ST3GAL3: variants seen among roughly 807,000 people sequenced by gnomAD.
ST3GAL3 encodes CMP-N-acetylneuraminate-beta-1,4-galactoside alpha-2,3-sialyltransferase.
Under a neutral mutation model 50.1 loss-of-function variants are expected in ST3GAL3, and 21 were observed. The observed-to-expected ratio is 0.42, with a 90% CI of 0.30 to 0.60. ST3GAL3 has a LOEUF of 0.60. Ranked by LOEUF, ST3GAL3 falls within the 20% of genes least tolerant of loss-of-function variation. The pLI is 0.19. For missense variants in ST3GAL3, 353 were observed against 489.4 expected (o/e 0.72, Z 2.63); for synonymous variants, 183 against 190.0 (o/e 0.96, Z 0.30).
chr1:43,869,089 C>T (rs1367899975), intron 5 of ST3GAL3, among the ~76,000 whole-genome samples: 1 of 152,136 alleles, frequency 6.6e-6, no homozygotes, highest in Non-Finnish European at 1.5e-5. Context: ...CTTTCCTGGG[C>T]TTGGTGGTTC....
intron 2 of ST3GAL3, among the ~76,000 whole-genome samples, chr1:43,748,862 T>A (rs1270453495): frequency 8.9e-6 from 1 of 111,792 alleles, no homozygotes; most frequent in Non-Finnish European, 2.0e-5. Context: ...CTAATTAAAA[T>A]TTCAGCAGGC....
chr1:43,736,453 CGTCTCATATTCTTCAGAGATG>C, intron 2 of ST3GAL3, 73 bp downstream of exon 2: 1 of 1,613,486 alleles, frequency 6.2e-7, no homozygotes, highest in Non-Finnish European at 8.5e-7. Context: ...CGTGTGGCTG[CGTCTCATATTCTTCAGAGATG>C]GGCAATGAGA....
chr1:43,771,684 GA>G (rs1695240355), intron 2 of ST3GAL3, among the ~76,000 whole-genome samples: 1 of 151,198 alleles, frequency 6.6e-6, no homozygotes. Context: ...AACCACTTTT[GA>G]CCCCTAATTT....
At chr1:43,817,827 C>CT (rs1558441457) in intron 4 of ST3GAL3, among the ~76,000 whole-genome samples, 1 of 123,948 alleles carries the variant, frequency 8.1e-6, no homozygotes, top group Non-Finnish European at 1.7e-5. Context: ...TCCTTCTCTT[C>CT]CTTCCTCCTT....
chr1:43,790,182 A>T (rs2057871370), intron 2 of ST3GAL3, among the ~76,000 whole-genome samples: 1 of 152,220 alleles, frequency 6.6e-6, no homozygotes, highest in African/African-American at 2.4e-5. Flanking sequence ...ATTTTTCTGT[A>T]CATTGTTATT....
chr1:43,774,066 A>T (rs2154135458), intron 2 of ST3GAL3, among the ~76,000 whole-genome samples: 1 of 147,900 alleles, frequency 6.8e-6, no homozygotes, highest in South Asian at 2.2e-4. Context: ...GTTTCTAATT[A>T]TAAGAGGCAA....
chr1:43,898,599 C>T (rs757127765), intron 7 of ST3GAL3, among the ~76,000 whole-genome samples: 15 of 152,052 alleles, frequency 9.9e-5, no homozygotes, highest in Non-Finnish European at 1.3e-4. Flanking sequence ...GCCTGGGTGG[C>T]GGGGGCAGGT....
At chr1:43,865,325 T>C (rs1367132445) in intron 5 of ST3GAL3, among the ~76,000 whole-genome samples, 1 of 152,098 alleles carries the variant, frequency 6.6e-6, no homozygotes, top group Non-Finnish European at 1.5e-5. Context: ...GTCATAACAT[T>C]CTTATTTATA....
intron 1 of ST3GAL3, among the ~76,000 whole-genome samples, chr1:43,713,755 C>T (rs1225864691): frequency 2.6e-5 from 4 of 152,070 alleles, no homozygotes; most frequent in Non-Finnish European, 5.9e-5. Flanking sequence ...ACGCTGGTCT[C>T]GAGCTCTTGG....
chr1:43,754,146 A>G (rs980004821), intron 2 of ST3GAL3, among the ~76,000 whole-genome samples: 1 of 152,206 alleles, frequency 6.6e-6, no homozygotes, highest in Non-Finnish European at 1.5e-5. Flanking sequence ...AAAGTAACCA[A>G]TTTAAAAAAT....
chr1:43,881,838 C>A (rs1558709887), intron 5 of ST3GAL3, among the ~76,000 whole-genome samples: 3 of 152,328 alleles, frequency 2.0e-5, no homozygotes, highest in African/African-American at 7.2e-5. Context: ...AAGCCTGGTG[C>A]TTTGGAACAG....
At chr1:43,907,321 C>T (rs2079961551) in intron 9 of ST3GAL3, among the ~76,000 whole-genome samples, 1 of 152,226 alleles carries the variant, frequency 6.6e-6, no homozygotes, top group African/African-American at 2.4e-5. Flanking sequence ...CTCCCTTTCC[C>T]AGTGCTTTCC....
chr1:43,735,214 T>C (rs1677873499), intron 1 of ST3GAL3, among the ~76,000 whole-genome samples: 1 of 152,118 alleles, frequency 6.6e-6, no homozygotes, highest in Admixed American at 6.6e-5. Context: ...TTTAAAGATA[T>C]CCACACCGTA....
rs1235557329 is a variant in ST3GAL3 at position 43,894,427 on chromosome 1, A to G, written c.347A>G (p.Lys116Arg). ...ATGTTCCTGGATGACTCCTTTCGCA[A>G]GTGGGCTAGAATCCGGGAGTTCGTG... ...APMFLDDSFR[K>R]WARIREFVPP... The change falls in exon 6 of 12, where the codon AAG becomes AGG. Residue 116 changes from lysine to arginine, a missense_variant. Coordinates refer to ENST00000347631, the MANE Select transcript of ST3GAL3 (RefSeq NM_006279.5). The G allele has an allele frequency of 6.2e-7, 1 of 1,614,034 alleles. No individual in the cohort carries two copies. The highest frequency in any genetic ancestry group is 8.5e-7 in the Non-Finnish European group (1 of 1,180,036).
At chr1:43,877,451 A>G (rs1032368529) in intron 5 of ST3GAL3, among the ~76,000 whole-genome samples, 7 of 142,880 alleles carry the variant, frequency 4.9e-5, no homozygotes, top group African/African-American at 2.1e-4. Context: ...AAACAAGCAG[A>G]TAGGTCTCCC....
intron 5 of ST3GAL3, among the ~76,000 whole-genome samples, chr1:43,864,919 G>T (rs1327776572): frequency 6.6e-6 from 1 of 152,070 alleles, no homozygotes; most frequent in Non-Finnish European, 1.5e-5. Context: ...AGAACGCTTA[G>T]CTTCAAATTC....
chr1:43,917,551 A>G (rs1469219024), intron 9 of ST3GAL3, among the ~76,000 whole-genome samples: 4 of 87,814 alleles, frequency 4.6e-5, no homozygotes, highest in Admixed American at 2.0e-4. Context: ...TATGTATTAT[A>G]TATAATATAT....
chr1:43,740,281 T>C (rs1680289693), intron 2 of ST3GAL3, among the ~76,000 whole-genome samples: 1 of 149,704 alleles, frequency 6.7e-6, no homozygotes, highest in African/African-American at 2.5e-5. Context: ...GAGAACCGCT[T>C]GAACTCGGGA....
At chr1:43,929,994 A>G in intron 11 of ST3GAL3, 138 bp from the exon 12 acceptor site, 1 of 786,408 alleles carries the variant, frequency 1.3e-6, no homozygotes, top group East Asian at 2.4e-5. Flanking sequence ...TGTAGACACA[A>G]CTGATTACCA....
Sources: allele counts gnomAD v4.1 joint callset (sites outside exome capture counted in the v4.1 genomes callset), GRCh38; gene constraint gnomAD v4.1.1; transcripts MANE v1.5; gene names NCBI Gene and HGNC (gene_info 2026-07-23, HGNC 2026-07-21).